The following AP3M1 variants were observed in gnomAD, a reference collection of about 807,000 sequenced individuals.
AP3M1 encodes AP-3 complex subunit mu-1.
Under a neutral mutation model 42.6 loss-of-function variants are expected in AP3M1, and 29 were observed. The ratio of observed to expected loss-of-function variants is 0.68; its 90% CI spans 0.51 to 0.93. The LOEUF is 0.93. AP3M1 is among the 40% of genes least tolerant of loss of function. The probability of loss-of-function intolerance (pLI) is 0.00; values close to 1 mark genes in which losing one functional copy is unlikely to be tolerated. For synonymous variants in AP3M1, 178 were observed against 175.3 expected (o/e 1.02, Z -0.12); for missense variants, 416 against 510.2 (o/e 0.82, Z 1.78).
intron 1 of AP3M1, among the ~76,000 whole-genome samples, chr10:74,144,303 T>C (rs1006949522): frequency 1.3e-5 from 2 of 151,934 alleles, no homozygotes; most frequent in Non-Finnish European, 2.9e-5. Context: ...CTCGCTCTGT[T>C]GCCCAGGCTG....
At position 74,123,799 on chromosome 10, in the gene AP3M1, T is replaced by G; in HGVS notation, c.*11A>C. 1.2e-6 allele frequency: 2 copies of G among 1,608,126 alleles called. No individual in the cohort carries two copies. Among genetic ancestry groups the G allele is most frequent in the Non-Finnish European group, 1.7e-6 (2 of 1,174,630 alleles). On this transcript the variant is annotated 3_prime_UTR_variant, in exon 9 of 9. Transcript: ENST00000355264. ...GAAAACAAACTGGTCCTGAGGAATT[T>G]TGGCCTCTTCTCATGTCCTCACTTG... is the stretch of plus-strand genomic sequence containing the variant.
chr10:74,131,993 T>C (rs1840791628), intron 4 of AP3M1, among the ~76,000 whole-genome samples: 1 of 152,206 alleles, frequency 6.6e-6, no homozygotes, highest in Admixed American at 6.5e-5. Context: ...GCTTTCCTTA[T>C]GTGTAAAATA....
At chr10:74,129,511 A>G (rs1379855674) in intron 5 of AP3M1, among the ~76,000 whole-genome samples, 1 of 152,250 alleles carries the variant, frequency 6.6e-6, no homozygotes, top group Non-Finnish European at 1.5e-5. Context: ...CAGAGGACTT[A>G]AGGTCAGAGC....
intron 3 of AP3M1, among the ~76,000 whole-genome samples, chr10:74,135,447 T>C (rs1012806449): frequency 1.3e-5 from 2 of 152,234 alleles, no homozygotes; most frequent in African/African-American, 2.4e-5. Context: ...CACTATCTAA[T>C]GAATCTGTTA....
chr10:74,130,879 CGTG>C (rs1840760300), intron 4 of AP3M1, among the ~76,000 whole-genome samples: 1 of 151,844 alleles, frequency 6.6e-6, no homozygotes, highest in Non-Finnish European at 1.5e-5. Flanking sequence ...GGGAGGCTGA[CGTG>C]GGTAGATTAT....
rs748489668 is a variant in AP3M1, at chr10:74,129,956, T to A, written c.620A>T (p.Asp207Val). ...TVFAEIQGVI[D>V]ACIKLSGMPD... ...CATTCCAGATAGTTTAATGCAAGCA[T>A]CAATGACCCCCTGAATTTCTGCAAA... Residue 207 changes from aspartate (D) to valine (V), a missense_variant, in exon 5 of 9, where the codon GAT becomes GTT. Asp to Val is a radical substitution (Grantham distance 152, BLOSUM62 -3). Coordinates refer to ENST00000355264, the MANE Select transcript of AP3M1 (RefSeq NM_012095.6). The A allele has an allele frequency of 6.2e-7, 1 of 1,613,126 alleles. No individual in the cohort carries two copies. Among genetic ancestry groups the A allele is most frequent in the Non-Finnish European group, 8.5e-7 (1 of 1,179,744 alleles).
At chr10:74,147,257 C>T (rs974774657) in intron 1 of AP3M1, among the ~76,000 whole-genome samples, 2 of 151,056 alleles carry the variant, frequency 1.3e-5, no homozygotes, top group Non-Finnish European at 2.9e-5. Context: ...TGCACTCTAG[C>T]CTGGATGACA....
chr10:74,128,991 G>T, intron 6 of AP3M1, 117 bp downstream of exon 6: 2 of 1,249,280 alleles, frequency 1.6e-6, no homozygotes, highest in Non-Finnish European at 2.3e-6. Flanking sequence ...CTCCTGGTGA[G>T]CTATGGTTAA....
At chr10:74,147,303 T>C (rs975696365) in intron 1 of AP3M1, among the ~76,000 whole-genome samples, 3 of 151,992 alleles carry the variant, frequency 2.0e-5, no homozygotes, top group African/African-American at 7.2e-5. Flanking sequence ...CAAAAAAGAA[T>C]TGAAAATGTC....
chr10:74,133,908 C>A, intron 4 of AP3M1, 119 bp downstream of exon 4: 2 of 1,274,020 alleles, frequency 1.6e-6, no homozygotes, highest in South Asian at 2.8e-5. Flanking sequence ...CTGCCTTGGC[C>A]TCCCAAAGGG....
chr10:74,149,173 GTATAT>G (rs917081567), intron 1 of AP3M1, among the ~76,000 whole-genome samples: 2 of 146,462 alleles, frequency 1.4e-5, no homozygotes, highest in African/African-American at 2.5e-5. Flanking sequence ...GTGCCTGGCC[GTATAT>G]TATATTAAAT....
intron 3 of AP3M1, among the ~76,000 whole-genome samples, chr10:74,135,077 T>C (rs1432550582): frequency 2.0e-5 from 3 of 152,228 alleles, no homozygotes; most frequent in Non-Finnish European, 4.4e-5. Flanking sequence ...CTACTTATGA[T>C]TGGTGTTCCT....
At chr10:74,132,905 T>G (rs1468352039) in intron 4 of AP3M1, among the ~76,000 whole-genome samples, 2 of 152,206 alleles carry the variant, frequency 1.3e-5, no homozygotes, top group Non-Finnish European at 1.5e-5. Context: ...TTTACATGTT[T>G]GGCAGACCTC....
At position 74,121,481 on chromosome 10, in the gene AP3M1, G is replaced by C. The variant is rs950928449; in HGVS notation, c.*2329C>G. ...TTGAAAAATATTTTACTACTACTAA[G>C]TATTCAGAAATCTTTGTTATCAGTA... is the stretch of plus-strand genomic sequence containing the variant. On this transcript the variant is annotated 3_prime_UTR_variant, in exon 9 of 9. Transcript: ENST00000355264. 15 of 152,210 alleles carry C rather than the reference G, an allele frequency of 9.9e-5. No homozygotes were observed. The highest frequency in any genetic ancestry group is 3.6e-4 in the African/African-American group (15 of 41,450). 9.4% of individuals were successfully genotyped at this position (152,210 alleles called of 1,614,324 possible).
At chr10:74,145,265 C>A (rs1841293874) in intron 1 of AP3M1, among the ~76,000 whole-genome samples, 1 of 152,162 alleles carries the variant, frequency 6.6e-6, no homozygotes, top group African/African-American at 2.4e-5. Flanking sequence ...GTGAAAAATT[C>A]TTTCCAGGAA....
At chr10:74,124,598 A>G (rs1840562550) in intron 7 of AP3M1, 74 bp from the exon 8 acceptor site, 2 of 1,323,262 alleles carry the variant, frequency 1.5e-6, no homozygotes, top group Admixed American at 2.5e-5. Flanking sequence ...AAGTTCAAAG[A>G]TATCATAAAC....
intron 1 of AP3M1, among the ~76,000 whole-genome samples, chr10:74,147,707 G>A (rs7071701): frequency 6.6e-6 from 1 of 152,056 alleles, no homozygotes; most frequent in Non-Finnish European, 1.5e-5. Context: ...CTTGGTAAAG[G>A]TAGTTTTGGT....
rs370414079 is a variant in AP3M1 at position 74,138,103 on chromosome 10, C to T, written c.273+4G>A. 2.5e-5 allele frequency: 40 copies of T among 1,611,348 alleles called. No homozygotes were observed. The highest frequency in any genetic ancestry group is 1.9e-4 in the South Asian group (17 of 90,662). ...AACTTAGAAAGGTATGATAGATAAC[C>T]AACCTGAAAAGTGTCAGCAACTCGA... On this transcript the variant is annotated splice_donor_region_variant and intron_variant, in intron 2 of 8. Coordinates refer to ENST00000355264, the MANE Select transcript of AP3M1 (RefSeq NM_012095.6).
intron 6 of AP3M1, among the ~76,000 whole-genome samples, chr10:74,128,371 G>C (rs1029685851): frequency 1.3e-5 from 2 of 151,584 alleles, no homozygotes; most frequent in Non-Finnish European, 2.9e-5. Flanking sequence ...CTAAGTAGTT[G>C]AGATTATATA....
Sources: gnomAD v4.1 joint callset for allele counts (sites outside exome capture counted in the v4.1 genomes callset) on GRCh38, gnomAD v4.1.1 for gene constraint, MANE v1.5 for transcripts, NCBI Gene and HGNC (gene_info 2026-07-23, HGNC 2026-07-21) for gene names.